TENM3: variants seen among roughly 807,000 people sequenced by gnomAD.
The protein encoded by TENM3 is teneurin-3.
TENM3 carries 63 observed loss-of-function variants against 255.1 expected under a neutral mutation model. The ratio of observed to expected loss-of-function variants is 0.25; its 90% CI spans 0.20 to 0.30. The LOEUF is 0.30. Ranked by LOEUF, TENM3 falls within the 10% of genes least tolerant of loss-of-function variation. The pLI, the probability that TENM3 is intolerant of heterozygous loss-of-function variation, is 1.00. For synonymous variants in TENM3, 1,306 were observed against 1,322.3 expected (o/e 0.99, Z 0.27); for missense variants, 2,929 against 3,461.1 (o/e 0.85, Z 3.86).
the TENM3 span, among the ~76,000 whole-genome samples, chr4:181,596,075 C>A: frequency 2.0e-5 from 3 of 152,150 alleles, no homozygotes; most frequent in Admixed American, 2.0e-4. Context: ...CTTTGTTTAT[C>A]TCAATCATTC....
chr4:182,701,002 C>T (rs1056526353), intron 12 of TENM3, among the ~76,000 whole-genome samples: 8 of 152,032 alleles, frequency 5.3e-5, no homozygotes, highest in East Asian at 1.9e-4. Context: ...ACTTAGTGCA[C>T]GAGACAGGTT....
chr4:181,711,600 G>A, the TENM3 span, among the ~76,000 whole-genome samples: 1 of 152,180 alleles, frequency 6.6e-6, no homozygotes. Flanking sequence ...GTCAATGAAT[G>A]AATGGAAGAC....
the TENM3 span, among the ~76,000 whole-genome samples, chr4:182,072,793 C>T: frequency 6.6e-6 from 1 of 152,136 alleles, no homozygotes; most frequent in Non-Finnish European, 1.5e-5. Context: ...TCCTCCATCT[C>T]ATCTTCATGC....
chr4:182,391,660 G>C (rs1768433721), intron 3 of TENM3, among the ~76,000 whole-genome samples: 1 of 152,158 alleles, frequency 6.6e-6, no homozygotes, highest in Non-Finnish European at 1.5e-5. Flanking sequence ...TTTATTCAAA[G>C]GTCAATTCCA....
chr4:181,775,860 A>G, the TENM3 span, among the ~76,000 whole-genome samples: 1 of 152,162 alleles, frequency 6.6e-6, no homozygotes, highest in Admixed American at 6.6e-5. Context: ...AGGATTTGTC[A>G]TTATCAAATT....
chr4:181,848,995 A>G, the TENM3 span, among the ~76,000 whole-genome samples: 2 of 152,170 alleles, frequency 1.3e-5, no homozygotes, highest in African/African-American at 2.4e-5. Context: ...CCACACATCC[A>G]TTTGTTTTTG....
At chr4:181,592,256 A>AACACACACACACACACACACAC in the TENM3 span, among the ~76,000 whole-genome samples, 1,360 of 148,390 alleles carry the variant, frequency 9.2e-3, 19 homozygotes, top group African/African-American at 0.024. Flanking sequence ...TTTAAACACA[A>AACACACACACACACACACACAC]ACACACACAC....
intron 1 of TENM3, among the ~76,000 whole-genome samples, chr4:182,292,094 G>A (rs1013611082): frequency 1.2e-4 from 19 of 152,124 alleles, no homozygotes; most frequent in Admixed American, 8.5e-4. Flanking sequence ...GCCTTCTGTT[G>A]TTTATGGAAC....
chr4:181,762,438 T>C, the TENM3 span, among the ~76,000 whole-genome samples: 1 of 152,164 alleles, frequency 6.6e-6, no homozygotes. Flanking sequence ...CCTTGATGCT[T>C]AATGCATCAT....
At chr4:181,648,922 A>T in the TENM3 span, among the ~76,000 whole-genome samples, 52 of 152,338 alleles carry the variant, frequency 3.4e-4, 1 homozygote, top group East Asian at 5.6e-3. Flanking sequence ...CAATGCGGTG[A>T]TTATAAACAA....
the TENM3 span, among the ~76,000 whole-genome samples, chr4:181,634,900 C>T: frequency 1.3e-5 from 2 of 152,048 alleles, no homozygotes; most frequent in Non-Finnish European, 2.9e-5. Context: ...AGTAAGCATC[C>T]TCCGTATACA....
the TENM3 span, among the ~76,000 whole-genome samples, chr4:182,001,353 G>A: frequency 1.3e-5 from 2 of 152,068 alleles, no homozygotes; most frequent in Non-Finnish European, 2.9e-5. Flanking sequence ...AAAAGAAGTG[G>A]TCTCTGTTCC....
the TENM3 span, among the ~76,000 whole-genome samples, chr4:181,972,286 G>T: frequency 6.6e-6 from 1 of 151,874 alleles, no homozygotes; most frequent in South Asian, 2.1e-4. Flanking sequence ...AGGCATGGTG[G>T]TGCATGCCTG....
At chr4:181,478,189 T>G in the TENM3 span, among the ~76,000 whole-genome samples, 1 of 152,200 alleles carries the variant, frequency 6.6e-6, no homozygotes, top group Admixed American at 6.5e-5. Flanking sequence ...CAATTACAGT[T>G]TTGCTCATGA....
At chr4:182,756,661 AT>A (rs1762766433) in intron 22 of TENM3, among the ~76,000 whole-genome samples, 1 of 151,958 alleles carries the variant, frequency 6.6e-6, no homozygotes, top group South Asian at 2.1e-4. Context: ...ATATACAAAT[AT>A]TTTCTGTATA....
At chr4:181,961,571 C>T in the TENM3 span, among the ~76,000 whole-genome samples, 4 of 152,074 alleles carry the variant, frequency 2.6e-5, no homozygotes, top group Non-Finnish European at 5.9e-5. Flanking sequence ...AGGCGCCCGC[C>T]ACCACGTCCG....
intron 1 of TENM3, among the ~76,000 whole-genome samples, chr4:182,184,125 G>C (rs1346207675): frequency 1.3e-5 from 2 of 152,154 alleles, no homozygotes; most frequent in East Asian, 3.8e-4. Context: ...AGAAATTACA[G>C]CAAGAGTACT....
the TENM3 span, among the ~76,000 whole-genome samples, chr4:181,743,012 T>A: frequency 6.6e-6 from 1 of 151,962 alleles, no homozygotes; most frequent in South Asian, 2.1e-4. Flanking sequence ...GAACTCATCA[T>A]TTTTTATGGC....
the TENM3 span, among the ~76,000 whole-genome samples, chr4:182,078,582 T>G: frequency 4.5e-4 from 68 of 152,226 alleles, 1 homozygote; most frequent in South Asian, 8.1e-3. Flanking sequence ...TCAGGCCACA[T>G]AAAGATTTTA....
Sources: allele counts gnomAD v4.1 joint callset (sites outside exome capture counted in the v4.1 genomes callset), GRCh38; gene constraint gnomAD v4.1.1; transcripts MANE v1.5; gene names NCBI Gene and HGNC (gene_info 2026-07-23, HGNC 2026-07-21).